Variants in NLGN1 observed in about 807,000 individuals in gnomAD.
The protein encoded by NLGN1 is neuroligin-1.
Under a neutral mutation model 65.5 loss-of-function variants are expected in NLGN1, and 12 were observed. The ratio of observed to expected loss-of-function variants is 0.18; its 90% CI spans 0.12 to 0.30. NLGN1 has a LOEUF of 0.30. Ranked by LOEUF, NLGN1 falls within the 10% of genes least tolerant of loss-of-function variation. The probability of loss-of-function intolerance (pLI) is 1.00; values close to 1 mark genes in which losing one functional copy is unlikely to be tolerated. For synonymous variants in NLGN1, 350 were observed against 359.5 expected (o/e 0.97, Z 0.30); for missense variants, 750 against 1,007.1 (o/e 0.74, Z 3.46).
chr3:174,285,030 C>T (rs1751955222), exon 7 of NLGN1: 1 of 151,236 alleles, frequency 6.6e-6, no homozygotes, highest in Non-Finnish European at 1.5e-5. Flanking sequence ...TCTGTAACAA[C>T]AGTTATTTCA....
chr3:173,659,313 A>G (rs1205273054), intron 3 of NLGN1, among the ~76,000 whole-genome samples: 1 of 152,020 alleles, frequency 6.6e-6, no homozygotes, highest in African/African-American at 2.4e-5. Flanking sequence ...ATATTAAAGA[A>G]AGGGCATTTG....
chr3:173,743,069 A>G (rs1774887220), intron 3 of NLGN1, among the ~76,000 whole-genome samples: 2 of 152,134 alleles, frequency 1.3e-5, no homozygotes, highest in South Asian at 2.1e-4. Flanking sequence ...GCTTTCCTCA[A>G]TATGCTGAGG....
intron 4 of NLGN1, among the ~76,000 whole-genome samples, chr3:174,040,498 G>A (rs1381642187): frequency 2.0e-5 from 3 of 151,936 alleles, no homozygotes; most frequent in African/African-American, 7.3e-5. Flanking sequence ...AATTTGTGTA[G>A]GGCACCTCAT....
At chr3:173,603,338 A>T (rs1391544678) in intron 2 of NLGN1, among the ~76,000 whole-genome samples, 1 of 152,118 alleles carries the variant, frequency 6.6e-6, no homozygotes, top group Admixed American at 6.6e-5. Flanking sequence ...GTTTAAGTTG[A>T]ACTGTGTAAA....
intron 3 of NLGN1, among the ~76,000 whole-genome samples, chr3:173,784,759 C>G (rs1781692926): frequency 6.6e-6 from 1 of 151,180 alleles, no homozygotes; most frequent in African/African-American, 2.5e-5. Flanking sequence ...AGAAGAGAGA[C>G]TCATAAATGA....
chr3:173,485,910 C>T lies in NLGN1; in HGVS notation c.-321+50832C>T, dbSNP rs540258044. Among the ~76,000 whole-genome samples the T allele has an allele frequency of 2.6e-5, 4 of 152,158 alleles. No individual in the cohort carries two copies. In the South Asian group the frequency reaches 8.3e-4, roughly 32 times the overall value. ...TTTGGCTAAATAGTCCAGGAAATGT[C>T]ACATTTCTTTCTTTAGGTCTTATCT... On this transcript the variant is annotated intron_variant, in intron 2 of 6. Transcript: ENST00000457714.
At chr3:173,874,076 C>T (rs926645683) in intron 4 of NLGN1, among the ~76,000 whole-genome samples, 25 of 152,164 alleles carry the variant, frequency 1.6e-4, no homozygotes, top group African/African-American at 6.0e-4. Flanking sequence ...CTGCCAACAC[C>T]TGATCTTGGA....
intron 2 of NLGN1, among the ~76,000 whole-genome samples, chr3:173,510,917 C>A (rs567198949): frequency 8.5e-5 from 13 of 152,112 alleles, no homozygotes; most frequent in Non-Finnish European, 1.5e-4. Flanking sequence ...TACAAATTCG[C>A]GAGATTAAGG....
At chr3:173,446,992 A>C (rs1270361205) in intron 2 of NLGN1, among the ~76,000 whole-genome samples, 4 of 151,926 alleles carry the variant, frequency 2.6e-5, no homozygotes, top group Non-Finnish European at 4.4e-5. Flanking sequence ...AGGTTGCAAA[A>C]ATTTTCTCCC....
At chr3:173,937,451 G>A (rs1285749076) in intron 4 of NLGN1, among the ~76,000 whole-genome samples, 1 of 152,032 alleles carries the variant, frequency 6.6e-6, no homozygotes, top group Non-Finnish European at 1.5e-5. Flanking sequence ...TTGAGTCCAG[G>A]AAATGATGAT....
At chr3:173,490,055 A>G (rs1460462369) in intron 2 of NLGN1, among the ~76,000 whole-genome samples, 2 of 152,056 alleles carry the variant, frequency 1.3e-5, no homozygotes, top group African/African-American at 2.4e-5. Context: ...CTCTGATGGT[A>G]GTTTCTTTTG....
intron 1 of NLGN1, among the ~76,000 whole-genome samples, chr3:173,418,175 A>G (rs1714181724): frequency 7.5e-6 from 1 of 133,124 alleles, no homozygotes; most frequent in South Asian, 2.4e-4. Flanking sequence ...GAAATATTAG[A>G]AGGCATAATT....
chr3:174,051,689 A>G (rs1022965506), intron 4 of NLGN1, among the ~76,000 whole-genome samples: 1 of 152,070 alleles, frequency 6.6e-6, no homozygotes, highest in East Asian at 1.9e-4. Flanking sequence ...GGAAGAACTA[A>G]TGGGATCAAA....
intron 3 of NLGN1, 25 bp from the exon 4 acceptor site, chr3:173,807,655 C>T (rs755913641): frequency 5.0e-5 from 80 of 1,608,890 alleles, no homozygotes; most frequent in East Asian, 6.7e-5. Flanking sequence ...AGGATAAGAA[C>T]GATTGCCAAC....
chr3:173,720,393 A>G (rs556768903), intron 3 of NLGN1, among the ~76,000 whole-genome samples: 2 of 152,268 alleles, frequency 1.3e-5, no homozygotes, highest in African/African-American at 2.4e-5. Context: ...TTTGTCCTGT[A>G]TTATAAATGG....
intron 2 of NLGN1, among the ~76,000 whole-genome samples, chr3:173,455,258 A>G (rs569339753): frequency 6.6e-6 from 1 of 152,188 alleles, no homozygotes; most frequent in Non-Finnish European, 1.5e-5. Flanking sequence ...GCCAGTGCTT[A>G]ACATGGTGAG....
chr3:173,875,019 T>C (rs1731858758), intron 4 of NLGN1, among the ~76,000 whole-genome samples: 1 of 152,204 alleles, frequency 6.6e-6, no homozygotes, highest in Non-Finnish European at 1.5e-5. Context: ...TCAGAAAGTC[T>C]TTAGGCTTTT....
chr3:173,638,489 G>T (rs1756937961), intron 3 of NLGN1, among the ~76,000 whole-genome samples: 1 of 151,346 alleles, frequency 6.6e-6, no homozygotes, highest in African/African-American at 2.4e-5. Context: ...TAAATATTTT[G>T]TTTTTATTTT....
chr3:173,914,753 CG>C (rs1198711793), intron 4 of NLGN1: 5 of 152,098 alleles, frequency 3.3e-5, no homozygotes, highest in Non-Finnish European at 5.9e-5. Flanking sequence ...CCAGGTTGAG[CG>C]GAGTAACGAT....
Sources: allele counts gnomAD v4.1 joint callset (sites outside exome capture counted in the v4.1 genomes callset), GRCh38; gene constraint gnomAD v4.1.1; transcripts MANE v1.5; gene names NCBI Gene and HGNC (gene_info 2026-07-23, HGNC 2026-07-21).